PRKCI: variants seen among roughly 807,000 people sequenced by gnomAD.
The protein encoded by PRKCI is protein kinase C iota type.
Under a neutral mutation model 84.0 loss-of-function variants are expected in PRKCI, and 43 were observed. The ratio of observed to expected loss-of-function variants is 0.51; its 90% CI spans 0.40 to 0.66. The LOEUF (loss-of-function observed/expected upper bound fraction) is 0.66, where lower values mean the gene tolerates loss of function less well. PRKCI is among the 30% of genes least tolerant of loss of function. The pLI, the probability that PRKCI is intolerant of heterozygous loss-of-function variation, is 0.00. For synonymous variants in PRKCI, 216 were observed against 234.4 expected, an observed-to-expected ratio of 0.92 and a Z score of 0.72; for missense variants, 459 against 745.6, an observed-to-expected ratio of 0.62 and a Z score of 4.48.
rs1486464533 is a variant in PRKCI at position 170,304,619 on chromosome 3, ATAACACATG to A, written c.*1496_*1504del. 9 of 152,254 alleles carry A rather than the reference ATAACACATG, an allele frequency of 5.9e-5. No individual in the cohort carries two copies. The East Asian group carries it at 1.3e-3, about 23-fold the overall frequency. 9.4% of individuals were successfully genotyped at this position (152,254 alleles called of 1,614,324 possible). A position where few individuals can be genotyped will look rare whatever the true frequency, so the allele number is the denominator to read the frequency against. ...CTTTCAGTGAGTTTTTATTAACTAG[ATAACACATG>A]TAATACATAGTAGAATACATTTCAG... On this transcript the variant is annotated 3_prime_UTR_variant, in exon 18 of 18. Coordinates refer to ENST00000295797, the MANE Select transcript of PRKCI (RefSeq NM_002740.6).
intron 16 of PRKCI, 79 bp from the exon 17 acceptor site, chr3:170,298,916 A>G (rs765441793): frequency 2.1e-5 from 18 of 854,596 alleles, no homozygotes; most frequent in Non-Finnish European, 3.1e-5. Flanking sequence ...AAGGTAAACA[A>G]TGAGTGCAGA....
chr3:170,238,829 G>A (rs1473961095), intron 2 of PRKCI, among the ~76,000 whole-genome samples: 1 of 152,050 alleles, frequency 6.6e-6, no homozygotes, highest in Non-Finnish European at 1.5e-5. Context: ...GGCCTCAAGT[G>A]ATCCACCCGC....
intron 2 of PRKCI, among the ~76,000 whole-genome samples, chr3:170,250,816 G>A (rs1466280749): frequency 6.6e-6 from 1 of 152,118 alleles, no homozygotes; most frequent in African/African-American, 2.4e-5. Flanking sequence ...TACCAGCAGT[G>A]TATGAGAATT....
intron 7 of PRKCI, among the ~76,000 whole-genome samples, chr3:170,273,689 C>G (rs967954741): frequency 6.6e-6 from 1 of 151,746 alleles, no homozygotes; most frequent in African/African-American, 2.4e-5. Context: ...GTGGCACACT[C>G]CTGTAGTCCC....
At chr3:170,274,606 C>A (rs6809537) in intron 7 of PRKCI, among the ~76,000 whole-genome samples, 2,360 of 152,220 alleles carry the variant, frequency 0.016, 41 homozygotes, top group East Asian at 0.086. Flanking sequence ...GGAGGTAGAA[C>A]AGCATGATCT....
At chr3:170,280,193 C>T (rs757901330) in intron 8 of PRKCI, 34 bp from the exon 9 acceptor site, 3 of 1,567,126 alleles carry the variant, frequency 1.9e-6, no homozygotes, top group Non-Finnish European at 1.7e-6. Flanking sequence ...CAAAGCATTT[C>T]CCATTATAAC....
chr3:170,258,033 G>GA (rs949257834), intron 2 of PRKCI, among the ~76,000 whole-genome samples: 9 of 151,504 alleles, frequency 5.9e-5, no homozygotes, highest in African/African-American at 1.7e-4. Flanking sequence ...TAGAAGGAAA[G>GA]AAAAAAATGG....
intron 15 of PRKCI, 65 bp from the exon 16 acceptor site, chr3:170,297,239 C>T: frequency 3.8e-6 from 5 of 1,329,096 alleles, no homozygotes; most frequent in East Asian, 4.6e-5. Context: ...CAACACAGAT[C>T]ACAAAGATGA....
At chr3:170,281,036 C>A in intron 9 of PRKCI, 130 bp from the exon 10 acceptor site, 2 of 637,112 alleles carry the variant, frequency 3.1e-6, no homozygotes, top group Non-Finnish European at 5.2e-6. Flanking sequence ...ATTTTCGTTT[C>A]ATGATTATCA....
chr3:170,294,926 G>A (rs945931236), intron 14 of PRKCI, among the ~76,000 whole-genome samples: 12 of 151,148 alleles, frequency 7.9e-5, no homozygotes, highest in African/African-American at 2.7e-4. Context: ...TTTAAAGATT[G>A]CACCCAGGCA....
intron 12 of PRKCI, among the ~76,000 whole-genome samples, chr3:170,290,000 G>A (rs1734503686): frequency 6.6e-6 from 1 of 151,930 alleles, no homozygotes; most frequent in South Asian, 2.1e-4. Flanking sequence ...TTGAACCTGG[G>A]AGACAGAGGT....
chr3:170,298,816 C>T (rs1196914100), intron 16 of PRKCI, among the ~76,000 whole-genome samples, 179 bp from the exon 17 acceptor site: 1 of 152,242 alleles, frequency 6.6e-6, no homozygotes, highest in Non-Finnish European at 1.5e-5. Context: ...GTTGGGATTA[C>T]AGGCGTGAGC....
chr3:170,245,323 C>A (rs982376307), intron 2 of PRKCI, among the ~76,000 whole-genome samples: 2 of 151,908 alleles, frequency 1.3e-5, no homozygotes, highest in East Asian at 3.9e-4. Flanking sequence ...AGCCCTAAAC[C>A]TACGGGGGTC....
intron 2 of PRKCI, among the ~76,000 whole-genome samples, chr3:170,236,879 A>AG (rs1378240518): frequency 1.4e-4 from 21 of 151,088 alleles, no homozygotes; most frequent in African/African-American, 4.9e-4. Context: ...AAAAAAAAAA[A>AG]AGAAAGAAAA....
chr3:170,281,046 A>T (rs916951177), intron 9 of PRKCI, 120 bp from the exon 10 acceptor site: 87 of 701,638 alleles, frequency 1.2e-4, no homozygotes, highest in Non-Finnish European at 1.7e-4. Context: ...CATGATTATC[A>T]ATGGTTTTGA....
intron 3 of PRKCI, among the ~76,000 whole-genome samples, chr3:170,262,832 CTTTTTT>C (rs748452040): frequency 7.5e-6 from 1 of 133,024 alleles, no homozygotes; most frequent in African/African-American, 2.8e-5. Context: ...TTCTTTCTTT[CTTTTTT>C]TTTTTTTTTT....
At chr3:170,264,095 C>A (rs1733800857) in intron 4 of PRKCI, among the ~76,000 whole-genome samples, 1 of 152,134 alleles carries the variant, frequency 6.6e-6, no homozygotes, top group African/African-American at 2.4e-5. Context: ...TTAACGTTTT[C>A]CCTGTTTGCT....
chr3:170,284,632 C>T (rs756973041), intron 12 of PRKCI, 36 bp downstream of exon 12: 57 of 1,586,058 alleles, frequency 3.6e-5, no homozygotes, highest in Non-Finnish European at 4.5e-5. Flanking sequence ...AAAAGGTCTT[C>T]AGCAGCTAGT....
intron 8 of PRKCI, 53 bp downstream of exon 8, chr3:170,275,340 C>T: frequency 5.2e-6 from 8 of 1,524,020 alleles, no homozygotes; most frequent in Non-Finnish European, 7.0e-6. Flanking sequence ...TAATAAGGCT[C>T]AGGAGTTTAA....
Sources: allele counts gnomAD v4.1 joint callset (sites outside exome capture counted in the v4.1 genomes callset), GRCh38; gene constraint gnomAD v4.1.1; transcripts MANE v1.5; gene names NCBI Gene and HGNC (gene_info 2026-07-23, HGNC 2026-07-21).